The following TRUB1 variants were observed in gnomAD, a reference collection of about 807,000 sequenced individuals.
The protein encoded by TRUB1 is pseudouridylate synthase TRUB1.
Under a neutral mutation model 33.9 loss-of-function variants are expected in TRUB1, and 23 were observed. The ratio of observed to expected loss-of-function variants is 0.68; its 90% CI spans 0.49 to 0.96. The LOEUF is 0.96. Ranked by LOEUF, TRUB1 falls within the 40% of genes least tolerant of loss-of-function variation. The pLI, the probability that TRUB1 is intolerant of heterozygous loss-of-function variation, is 0.00. For missense variants in TRUB1, 378 were observed against 422.2 expected (o/e 0.90, Z 0.92); for synonymous variants, 163 against 165.4 (o/e 0.99, Z 0.11).
intron 4 of TRUB1, among the ~76,000 whole-genome samples, chr10:114,960,570 C>T (rs1258615689): frequency 2.0e-5 from 3 of 152,150 alleles, no homozygotes; most frequent in African/African-American, 7.2e-5. Context: ...CTGCATATTG[C>T]CCCAGTAGTG....
Position 114,938,368 on chromosome 10 carries a change from G to T in TRUB1, c.115G>T (p.Ala39Ser). ...AAMAATPSAR[A>S]AAAVVAAAAR... The stretch of plus-strand genomic sequence containing the variant: ...AATGGCTGCGACCCCGTCAGCAAGG[G>T]CTGCAGCCGCGGTGGTTGCGGCCGC... Residue 39 changes from alanine (A) to serine (S), a missense_variant, in exon 1 of 8, where the codon GCT becomes TCT. Transcript: ENST00000298746. The T allele has an allele frequency of 6.2e-7, 1 of 1,610,812 alleles. No homozygotes were observed. Among genetic ancestry groups the T allele is most frequent in the Non-Finnish European group, 8.5e-7 (1 of 1,178,738 alleles).
At chr10:114,946,486 C>T (rs1045020093) in intron 2 of TRUB1, among the ~76,000 whole-genome samples, 1 of 151,914 alleles carries the variant, frequency 6.6e-6, no homozygotes, top group African/African-American at 2.4e-5. Flanking sequence ...GGATTATAGG[C>T]GACTGCCACC....
chr10:114,947,250 G>A (rs2084215297), intron 2 of TRUB1, among the ~76,000 whole-genome samples: 1 of 151,912 alleles, frequency 6.6e-6, no homozygotes, highest in East Asian at 1.9e-4. Flanking sequence ...AGAAGAACAC[G>A]GTCAAGCCAA....
At chr10:114,956,743 C>T (rs1036482951) in intron 3 of TRUB1, among the ~76,000 whole-genome samples, 2 of 152,152 alleles carry the variant, frequency 1.3e-5, no homozygotes, top group Non-Finnish European at 2.9e-5. Flanking sequence ...TGTGCAATGA[C>T]ATCATTGCTC....
chr10:114,965,959 A>G (rs2084306075), intron 4 of TRUB1, among the ~76,000 whole-genome samples: 1 of 152,100 alleles, frequency 6.6e-6, no homozygotes, highest in Non-Finnish European at 1.5e-5. Flanking sequence ...CACCACCCCA[A>G]ATTCATTACT....
Position 114,942,762 on chromosome 10 carries a change from A to G in TRUB1, c.385+19A>G. 6.7e-7 allele frequency: 1 copy of G among 1,494,374 alleles called. No homozygotes were observed. Among genetic ancestry groups the G allele is most frequent in the Non-Finnish European group, 9.3e-7 (1 of 1,071,330 alleles). 92.6% of individuals were successfully genotyped at this position (1,494,374 alleles called of 1,614,324 possible). Reference sequence around the variant, plus strand: ...GTTCTGGGTAAGAGATATGAAAGGCAGTTAAGTGTCCACTGTCACTTAATA... The same window carrying G: ...GTTCTGGGTAAGAGATATGAAAGGCGGTTAAGTGTCCACTGTCACTTAATA... On this transcript the variant is annotated intron_variant, in intron 2 of 7. Coordinates refer to ENST00000298746, the MANE Select transcript of TRUB1 (RefSeq NM_139169.5).
chr10:114,975,184 A>G lies in TRUB1; in HGVS notation c.855A>G (p.Leu285=), dbSNP rs1033968989. ...LTRTKQGPFT[L]EEHALPEDKW... The stretch of plus-strand genomic sequence containing the variant: ...GAACCAAACAGGGACCATTTACGCT[A>G]GAAGAACATGCCCTTCCTGAAGACA... Residue 285 remains leucine, a synonymous_variant, in exon 8 of 8, where the codon CTA becomes CTG. Transcript: ENST00000298746. 1.2e-6 allele frequency: 2 copies of G among 1,613,698 alleles called. No individual in the cohort carries two copies. Among genetic ancestry groups the G allele is most frequent in the Non-Finnish European group, 1.7e-6 (2 of 1,179,704 alleles).
chr10:114,951,143 G>C lies in TRUB1; in HGVS notation c.435G>C (p.Gly145=), dbSNP rs1167227260. The C allele has an allele frequency of 3.1e-6, 5 of 1,611,622 alleles. No individual in the cohort carries two copies. The highest frequency in any genetic ancestry group is 4.2e-6 in the Non-Finnish European group (5 of 1,178,396). ...GTKMLTSMLS[G]SKRYTAIGEL... Reference sequence around the variant, plus strand: ...AAATGTTGACCAGTATGTTGTCAGGGTCCAAGGTAAGAATACTGAAATAGT... The same window carrying C: ...AAATGTTGACCAGTATGTTGTCAGGCTCCAAGGTAAGAATACTGAAATAGT... The change falls in exon 3 of 8, where the codon GGG becomes GGC. Residue 145 remains glycine, a synonymous_variant. Transcript: ENST00000298746.
At chr10:114,965,059 A>C (rs561069635) in intron 4 of TRUB1, among the ~76,000 whole-genome samples, 80 of 150,970 alleles carry the variant, frequency 5.3e-4, no homozygotes, top group African/African-American at 1.9e-3. Context: ...CCTCCCAAGT[A>C]GCTGGGACTA....
At chr10:114,938,922 T>C (rs926508179) in intron 1 of TRUB1, among the ~76,000 whole-genome samples, 1 of 152,180 alleles carries the variant, frequency 6.6e-6, no homozygotes, top group Non-Finnish European at 1.5e-5. Flanking sequence ...TCAAAATGTA[T>C]TGGAAATGCA....
In TRUB1 at chr10:114,938,394, G is replaced by C; in HGVS notation, c.141G>C (p.Ala47=). 1.9e-6 allele frequency: 3 copies of C among 1,605,910 alleles called. No homozygotes were observed. The highest frequency in any genetic ancestry group is 2.6e-6 in the Non-Finnish European group (3 of 1,176,092). The change falls in exon 1 of 8, where the codon GCG becomes GCC. Residue 47 remains alanine (A), a synonymous_variant. Coordinates refer to ENST00000298746, the MANE Select transcript of TRUB1 (RefSeq NM_139169.5). The part of the protein sequence containing the change: ...ARAAAAVVAA[A]ARTGSEARVS... The stretch of plus-strand genomic sequence containing the variant: ...CTGCAGCCGCGGTGGTTGCGGCCGC[G>C]GCCAGGACCGGATCCGAAGCCAGGG...
chr10:114,971,795 T>G (rs1023307331), intron 5 of TRUB1, among the ~76,000 whole-genome samples: 5 of 152,206 alleles, frequency 3.3e-5, no homozygotes, highest in Admixed American at 1.3e-4. Flanking sequence ...ACTAAATTCC[T>G]TGTGCCTTTT....
chr10:114,945,582 A>C (rs569832444), intron 2 of TRUB1, among the ~76,000 whole-genome samples: 2 of 152,312 alleles, frequency 1.3e-5, no homozygotes, highest in East Asian at 3.9e-4. Context: ...AGCTTGTCCA[A>C]CCTTTGGCCT....
chr10:114,969,975 C>T (rs757900462), intron 4 of TRUB1, among the ~76,000 whole-genome samples: 11 of 152,004 alleles, frequency 7.2e-5, no homozygotes, highest in Non-Finnish European at 1.3e-4. Flanking sequence ...AAAGAACTTA[C>T]GGGGATTATT....
Position 114,938,375 on chromosome 10 carries a change from C to CCG in TRUB1, c.125_126dup (p.Val43ArgfsTer27). On this transcript the variant is annotated frameshift_variant, in exon 1 of 8. Coordinates refer to ENST00000298746, the MANE Select transcript of TRUB1 (RefSeq NM_139169.5). LOFTEE classifies it high-confidence loss of function. ...GCGACCCCGTCAGCAAGGGCTGCAG[C>CCG]CGCGGTGGTTGCGGCCGCGGCCAGG... The CCG allele has an allele frequency of 6.2e-7, 1 of 1,609,968 alleles. No individual in the cohort carries two copies. Among genetic ancestry groups the CCG allele is most frequent in the Non-Finnish European group, 8.5e-7 (1 of 1,178,290 alleles).
intron 1 of TRUB1, among the ~76,000 whole-genome samples, chr10:114,941,248 C>T (rs2084185249): frequency 6.6e-6 from 1 of 152,076 alleles, no homozygotes. Context: ...ATGTTATATG[C>T]CATCATCAAA....
chr10:114,938,579 T>G, intron 1 of TRUB1, 40 bp downstream of exon 1: 1 of 1,496,202 alleles, frequency 6.7e-7, no homozygotes, highest in East Asian at 2.3e-5. Flanking sequence ...AGGCGGTCGC[T>G]GCGAGAGGGG....
chr10:114,960,403 G>A (rs2084280416), intron 4 of TRUB1, among the ~76,000 whole-genome samples: 1 of 152,136 alleles, frequency 6.6e-6, no homozygotes, highest in Non-Finnish European at 1.5e-5. Flanking sequence ...TGCTTATGCT[G>A]TTTATAATGC....
chr10:114,954,243 G>T (rs1044789542), intron 3 of TRUB1, among the ~76,000 whole-genome samples: 14 of 152,130 alleles, frequency 9.2e-5, no homozygotes, highest in Admixed American at 7.9e-4. Context: ...GTTCTAGGAT[G>T]GCAAATATTC....
Sources: allele counts gnomAD v4.1 joint callset (sites outside exome capture counted in the v4.1 genomes callset), GRCh38; gene constraint gnomAD v4.1.1; transcripts MANE v1.5; gene names NCBI Gene and HGNC (gene_info 2026-07-23, HGNC 2026-07-21).